The following R3HDM2 variants were observed in gnomAD, a reference collection of about 807,000 sequenced individuals.
R3HDM2 encodes R3H domain containing 2, also known as R3H domain-containing protein 2.
A neutral mutation model predicts 124.5 loss-of-function variants in R3HDM2; 38 were observed. The observed-to-expected ratio is 0.31, with a 90% confidence interval of 0.24 to 0.40. The LOEUF (loss-of-function observed/expected upper bound fraction) is 0.40. R3HDM2 is among the 10% of genes least tolerant of loss of function. R3HDM2 has a pLI of 1.00. For synonymous variants in R3HDM2, 391 were observed against 448.0 expected (o/e 0.87, Z 1.61); for missense variants, 869 against 1,236.9 (o/e 0.70, Z 4.46).
intron 19 of R3HDM2, among the ~76,000 whole-genome samples, chr12:57,264,575 A>AAAAAG (rs566743054): frequency 4.6e-5 from 7 of 151,814 alleles, no homozygotes; most frequent in African/African-American, 1.5e-4. Context: ...CTGTCTCAAA[A>AAAAAG]AAAAGAAAAG....
chr12:57,305,306 T>C (rs2138881587), intron 3 of R3HDM2, among the ~76,000 whole-genome samples: 1 of 152,344 alleles, frequency 6.6e-6, no homozygotes, highest in African/African-American at 2.4e-5. Context: ...TACATAGTAT[T>C]CCACTGTGTA....
At chr12:57,293,865 C>T (rs1036198176) in intron 10 of R3HDM2, among the ~76,000 whole-genome samples, 3 of 152,118 alleles carry the variant, frequency 2.0e-5, no homozygotes, top group African/African-American at 7.2e-5. Flanking sequence ...TAAATCCTAC[C>T]AAATGTCCTC....
At chr12:57,360,477 ATTTTT>A (rs1191198009) in intron 2 of R3HDM2, among the ~76,000 whole-genome samples, 1 of 151,746 alleles carries the variant, frequency 6.6e-6, no homozygotes, top group Non-Finnish European at 1.5e-5. Flanking sequence ...TCTAAAAAAA[ATTTTT>A]TTTTAATTAG....
intron 2 of R3HDM2, among the ~76,000 whole-genome samples, chr12:57,327,466 C>CAAA (rs34045324): frequency 2.8e-5 from 3 of 105,778 alleles, no homozygotes; most frequent in East Asian, 2.6e-4. Flanking sequence ...GACTCCGTCT[C>CAAA]AAAAAAAAAA....
At chr12:57,314,445 C>T (rs1027703350) in intron 2 of R3HDM2, among the ~76,000 whole-genome samples, 20 of 152,306 alleles carry the variant, frequency 1.3e-4, no homozygotes, top group African/African-American at 4.8e-4. Flanking sequence ...TGCCATTACA[C>T]TCCAGCCTAG....
intron 18 of R3HDM2, among the ~76,000 whole-genome samples, chr12:57,267,943 A>G (rs1340025909): frequency 6.6e-6 from 1 of 152,238 alleles, no homozygotes; most frequent in East Asian, 1.9e-4. Context: ...CATCAGTTTC[A>G]TTGATAAACA....
chr12:57,427,937 G>A (rs1868331223), intron 1 of R3HDM2, among the ~76,000 whole-genome samples: 1 of 151,872 alleles, frequency 6.6e-6, no homozygotes, highest in Non-Finnish European at 1.5e-5. Context: ...CCAACATATA[G>A]TGAAACCCTG....
intron 18 of R3HDM2, among the ~76,000 whole-genome samples, chr12:57,267,821 T>G (rs927010638): frequency 1.7e-4 from 26 of 152,024 alleles, no homozygotes; most frequent in Non-Finnish European, 2.9e-4. Flanking sequence ...GAGAGAAAAA[T>G]AAAACAAGGG....
chr12:57,324,716 C>T (rs986929618), intron 2 of R3HDM2, among the ~76,000 whole-genome samples: 1 of 152,198 alleles, frequency 6.6e-6, no homozygotes, highest in Admixed American at 6.5e-5. Flanking sequence ...ATCCTAATCT[C>T]CATTGTAGCT....
chr12:57,353,725 T>G (rs188543251), intron 2 of R3HDM2, among the ~76,000 whole-genome samples: 3 of 152,214 alleles, frequency 2.0e-5, no homozygotes, highest in Non-Finnish European at 4.4e-5. Context: ...ATTTCCAATT[T>G]TTAACTATTA....
At chr12:57,333,457 A>G (rs1421073238) in intron 2 of R3HDM2, among the ~76,000 whole-genome samples, 1 of 152,152 alleles carries the variant, frequency 6.6e-6, no homozygotes, top group Non-Finnish European at 1.5e-5. Flanking sequence ...TGGGAGGACA[A>G]AGTGGGTGGA....
chr12:57,421,871 C>T (rs911030902), intron 1 of R3HDM2, among the ~76,000 whole-genome samples: 7 of 151,932 alleles, frequency 4.6e-5, no homozygotes, highest in African/African-American at 1.7e-4. Context: ...CCAAGGGGGG[C>T]GGATCACCTA....
At chr12:57,428,178 G>A (rs1868386881) in intron 1 of R3HDM2, among the ~76,000 whole-genome samples, 1 of 151,886 alleles carries the variant, frequency 6.6e-6, no homozygotes, top group South Asian at 2.1e-4. Flanking sequence ...GGACAGACAG[G>A]CTATGCTCTT....
intron 3 of R3HDM2, among the ~76,000 whole-genome samples, chr12:57,308,382 G>A (rs981043856): frequency 1.3e-5 from 2 of 151,640 alleles, no homozygotes; most frequent in African/African-American, 2.4e-5. Flanking sequence ...CTAAGCAAGT[G>A]TCCATAAAGC....
At chr12:57,264,592 A>C (rs2041842894) in intron 19 of R3HDM2, among the ~76,000 whole-genome samples, 1 of 151,624 alleles carries the variant, frequency 6.6e-6, no homozygotes, top group South Asian at 2.1e-4. Context: ...AAAGAAAAGA[A>C]AAGAAAAAAC....
At chr12:57,383,912 A>G (rs2065284640) in intron 2 of R3HDM2, among the ~76,000 whole-genome samples, 1 of 152,140 alleles carries the variant, frequency 6.6e-6, no homozygotes, top group South Asian at 2.1e-4. Flanking sequence ...CTGACAAACA[A>G]GTAAAAACTG....
rs11172179 is a variant in R3HDM2 at position 57,357,521 on chromosome 12, G to A, written c.-36+38228C>T. ...CAATGCCTGGAAAATCATCAGTGAT[G>A]TTGTCTCTCTCATACATACCTAATA... On this transcript the variant is annotated intron_variant, in intron 2 of 23. Transcript: ENST00000402412. Among the ~76,000 whole-genome samples the A allele has an allele frequency of 3.6e-4, 55 of 151,856 alleles. 3 individuals carry two copies. In the East Asian group the frequency reaches 8.3e-3, roughly 23 times the overall value.
At chr12:57,410,680 C>G (rs980102238) in intron 1 of R3HDM2, among the ~76,000 whole-genome samples, 10 of 152,154 alleles carry the variant, frequency 6.6e-5, no homozygotes, top group African/African-American at 2.4e-4. Context: ...TGGCAAGACC[C>G]TGTCTCTGCA....
intron 2 of R3HDM2, among the ~76,000 whole-genome samples, chr12:57,337,442 T>C (rs1365120869): frequency 6.6e-6 from 1 of 152,002 alleles, no homozygotes; most frequent in Non-Finnish European, 1.5e-5. Context: ...TGAGCCACCG[T>C]GCCCAGCCCA....
Sources: allele counts gnomAD v4.1 joint callset (sites outside exome capture counted in the v4.1 genomes callset), GRCh38; gene constraint gnomAD v4.1.1; transcripts MANE v1.5; gene names NCBI Gene and HGNC (gene_info 2026-07-23, HGNC 2026-07-21).